Variants in PRKG1 observed in about 807,000 individuals in gnomAD.
PRKG1 encodes protein kinase cGMP-dependent 1, also known as cGMP-dependent protein kinase 1.
A neutral mutation model predicts 88.1 loss-of-function variants in PRKG1; 35 were observed. The ratio of observed to expected loss-of-function variants is 0.40; its 90% CI spans 0.30 to 0.53. The LOEUF (loss-of-function observed/expected upper bound fraction) is 0.53, where lower values mean the gene tolerates loss of function less well. Among genes scored for constraint, PRKG1 ranks in the 20% least tolerant of loss-of-function variants. The probability of loss-of-function intolerance (pLI) is 0.59; values close to 1 mark genes in which losing one functional copy is unlikely to be tolerated. For synonymous variants in PRKG1, 303 were observed against 292.5 expected (o/e 1.04, Z -0.37); for missense variants, 540 against 839.8 (o/e 0.64, Z 4.41).
At chr10:51,547,023 T>C (rs1265384638) in intron 3 of PRKG1, among the ~76,000 whole-genome samples, 2 of 136,486 alleles carry the variant, frequency 1.5e-5, no homozygotes, top group Non-Finnish European at 3.2e-5. Context: ...ACCAATAGCA[T>C]TGCTTATTAT....
At chr10:52,238,736 G>C (rs1490507935) in intron 9 of PRKG1, among the ~76,000 whole-genome samples, 1 of 148,836 alleles carries the variant, frequency 6.7e-6, no homozygotes, top group Non-Finnish European at 1.5e-5. Flanking sequence ...CTGTAAACTA[G>C]TTCAACCATT....
At chr10:51,499,256 T>A (rs1248752108) in intron 3 of PRKG1, among the ~76,000 whole-genome samples, 1 of 152,126 alleles carries the variant, frequency 6.6e-6, no homozygotes, top group Non-Finnish European at 1.5e-5. Flanking sequence ...GCTGTGCAAC[T>A]CTATGAGTGT....
chr10:51,352,069 T>G (rs1030615478), intron 2 of PRKG1, among the ~76,000 whole-genome samples: 1 of 152,166 alleles, frequency 6.6e-6, no homozygotes, highest in African/African-American at 2.4e-5. Context: ...TGTGCTATTA[T>G]TTCTGAGCTC....
intron 1 of PRKG1, among the ~76,000 whole-genome samples, chr10:51,124,028 C>T (rs773461182): frequency 2.0e-5 from 3 of 152,130 alleles, no homozygotes; most frequent in Admixed American, 6.5e-5. Context: ...CACCTCCTTT[C>T]GGGCCCCACC....
chr10:51,013,842 G>T (rs1395403729), intron 1 of PRKG1, among the ~76,000 whole-genome samples: 1 of 152,164 alleles, frequency 6.6e-6, no homozygotes, highest in African/African-American at 2.4e-5. Context: ...CTCTTTACAT[G>T]ATTTGAGTCC....
At chr10:51,224,340 C>T (rs1046028930) in intron 2 of PRKG1, among the ~76,000 whole-genome samples, 1 of 152,192 alleles carries the variant, frequency 6.6e-6, no homozygotes, top group Non-Finnish European at 1.5e-5. Context: ...CAGATTTTTC[C>T]ATGGTAGCAT....
chr10:51,847,366 C>T (rs1448274245), intron 4 of PRKG1, among the ~76,000 whole-genome samples: 3 of 152,008 alleles, frequency 2.0e-5, no homozygotes, highest in African/African-American at 4.8e-5. Flanking sequence ...TTTCTTGTTA[C>T]AGAATAAGGG....
At chr10:51,516,063 T>G (rs1841570858) in intron 3 of PRKG1, among the ~76,000 whole-genome samples, 1 of 152,160 alleles carries the variant, frequency 6.6e-6, no homozygotes, top group African/African-American at 2.4e-5. Flanking sequence ...GTACCTGCAC[T>G]TGGTGCAACC....
intron 2 of PRKG1, among the ~76,000 whole-genome samples, chr10:51,445,943 G>A (rs569253555): frequency 2.6e-5 from 4 of 151,822 alleles, no homozygotes; most frequent in Non-Finnish European, 5.9e-5. Context: ...ATCAGCAAAC[G>A]TTTATCTATC....
chr10:51,767,351 A>C (rs766133458), intron 3 of PRKG1, among the ~76,000 whole-genome samples: 13 of 152,088 alleles, frequency 8.5e-5, no homozygotes, highest in South Asian at 2.1e-4. Flanking sequence ...CTCTCTCTCT[A>C]TATAAATGGT....
At chr10:51,765,391 G>A (rs1275999942) in intron 3 of PRKG1, among the ~76,000 whole-genome samples, 3 of 152,136 alleles carry the variant, frequency 2.0e-5, no homozygotes, top group African/African-American at 7.2e-5. Flanking sequence ...TGTTAGATAG[G>A]TATCTGTCCT....
At chr10:52,136,184 C>T (rs185609648) in intron 8 of PRKG1, among the ~76,000 whole-genome samples, 283 of 152,032 alleles carry the variant, frequency 1.9e-3, no homozygotes, top group Middle Eastern at 6.8e-3. Flanking sequence ...GAACACTGAG[C>T]TTACAGTATA....
intron 5 of PRKG1, among the ~76,000 whole-genome samples, chr10:52,043,650 A>T (rs900316202): frequency 2.0e-5 from 3 of 151,980 alleles, no homozygotes; most frequent in Non-Finnish European, 4.4e-5. Context: ...TTTTAGGTAA[A>T]AATAATATAT....
intron 12 of PRKG1, among the ~76,000 whole-genome samples, chr10:52,276,451 C>T (rs1399238624): frequency 6.6e-6 from 1 of 152,150 alleles, no homozygotes; most frequent in Non-Finnish European, 1.5e-5. Flanking sequence ...GCTCCTGTTA[C>T]ATTCTGATAT....
At chr10:52,278,902 C>CA (rs57491396) in intron 12 of PRKG1, among the ~76,000 whole-genome samples, 15,988 of 86,306 alleles carry the variant, frequency 0.19, 1,299 homozygotes, top group East Asian at 0.31. Flanking sequence ...GACTCCATCT[C>CA]AAAAAAAAAA....
chr10:52,233,010 G>C (rs770761426), intron 9 of PRKG1, among the ~76,000 whole-genome samples: 1 of 152,106 alleles, frequency 6.6e-6, no homozygotes. Flanking sequence ...CATCCCCATT[G>C]TTAAGACTGG....
intron 5 of PRKG1, among the ~76,000 whole-genome samples, chr10:51,995,640 G>C (rs1399876065): frequency 1.3e-5 from 2 of 152,096 alleles, no homozygotes; most frequent in Non-Finnish European, 1.5e-5. Context: ...AGGAAAGAAA[G>C]TGCAGTGATG....
At chr10:51,897,070 T>C (rs980517377) in intron 4 of PRKG1, among the ~76,000 whole-genome samples, 1 of 152,162 alleles carries the variant, frequency 6.6e-6, no homozygotes, top group Non-Finnish European at 1.5e-5. Context: ...AAAGACCAGT[T>C]ATAAGACAAT....
Position 51,759,957 on chromosome 10 carries a change from T to G in PRKG1, c.593-44628T>G, listed in dbSNP as rs75020871. 4.8e-3 allele frequency among the ~76,000 whole-genome samples: 725 copies of G among 152,326 alleles called. 2 individuals carry two copies. The highest frequency in any genetic ancestry group is 0.017 in the African/African-American group (701 of 41,576). On this transcript the variant is annotated intron_variant, in intron 3 of 17. Transcript: ENST00000373980. ...GTACACTTATTTCAAACAGCTTTACTTAGAATCTCAATATATAAAATTGAT... is the reference window on the plus strand; with the variant it reads ...GTACACTTATTTCAAACAGCTTTACGTAGAATCTCAATATATAAAATTGAT...
Sources: gnomAD v4.1 joint callset for allele counts (sites outside exome capture counted in the v4.1 genomes callset) on GRCh38, gnomAD v4.1.1 for gene constraint, MANE v1.5 for transcripts, NCBI Gene and HGNC (gene_info 2026-07-23, HGNC 2026-07-21) for gene names.